The following SPTAN1 variants were observed in gnomAD, a reference collection of about 807,000 sequenced individuals.
The protein encoded by SPTAN1 is spectrin alpha, non-erythrocytic 1.
In SPTAN1, 61 loss-of-function variants were observed where a neutral mutation model predicts 331.3. The observed-to-expected ratio is 0.18, with a 90% CI of 0.15 to 0.23. The LOEUF (loss-of-function observed/expected upper bound fraction) is 0.23. SPTAN1 is among the 10% of genes least tolerant of loss of function. The pLI, the probability that SPTAN1 is intolerant of heterozygous loss-of-function variation, is 1.00. For missense variants in SPTAN1, 2,043 were observed against 3,147.9 expected (o/e 0.65, Z 8.40); for synonymous variants, 1,153 against 1,173.9 (o/e 0.98, Z 0.36).
At chr9:128,593,079 C>T in intron 23 of SPTAN1, 37 bp downstream of exon 23, 1 of 1,585,060 alleles carries the variant, frequency 6.3e-7, no homozygotes, top group Non-Finnish European at 8.6e-7. Context: ...CACCAATGTC[C>T]ACTGCTACCC....
At chr9:128,598,894 C>A in intron 25 of SPTAN1, 69 bp from the exon 26 acceptor site, 1 of 1,431,342 alleles carries the variant, frequency 7.0e-7, no homozygotes, top group East Asian at 2.3e-5. Context: ...CAGGTTTGGC[C>A]ATAATAAGTA....
rs954658353 is a variant in SPTAN1 at position 128,624,794 on chromosome 9, G to C, written c.5992+307G>C. 13 of 566,014 alleles carry C rather than the reference G, an allele frequency of 2.3e-5. No individual in the cohort carries two copies. In the African/African-American group the frequency reaches 2.4e-4, roughly 11 times the overall value. The allele number at this position is 566,014 out of a possible 1,614,324, so 35.1% of individuals were successfully genotyped here. A position where few individuals can be genotyped will look rare whatever the true frequency, so the allele number is the denominator to read the frequency against. On this transcript the variant is annotated intron_variant, in intron 46 of 56. Transcript: ENST00000372739. ...TGGCACAGCAAAGGCACCACTAGCT[G>C]CCCTGGTCAGGGGCGCCACCCAGCT...
At chr9:128,561,659 T>G (rs1266034676) in intron 1 of SPTAN1, among the ~76,000 whole-genome samples, 1 of 2,274 alleles carries the variant, frequency 4.4e-4, no homozygotes, top group Non-Finnish European at 3.2e-3. Context: ...CGAGACTCCG[T>G]CTCAAAAAAA....
chr9:128,615,822 A>T lies in SPTAN1; in HGVS notation c.5339A>T (p.Asp1780Val), dbSNP rs777299280. Reference protein sequence around the residue: ...RLHQFFRDMDDEESWIKEKKL... With the variant: ...RLHQFFRDMDVEESWIKEKKL... ...CACCAGTTCTTCCGGGACATGGATG[A>T]CGAGGAGTCCTGGATCAAGTATGTC... Residue 1780 changes from aspartate (D) to valine (V), a missense_variant, in exon 41 of 57, where the codon GAC becomes GTC. Around this residue, in one of 12 missense-constraint regions of SPTAN1, gnomAD observed 323 missense variants for 581.1 expected, o/e 0.56. Coordinates refer to ENST00000372739, the MANE Select transcript of SPTAN1 (RefSeq NM_001130438.3). 2 of 1,614,138 alleles carry T rather than the reference A, an allele frequency of 1.2e-6. No individual in the cohort carries two copies. The highest frequency in any genetic ancestry group is 2.7e-5 in the African/African-American group (2 of 74,952).
intron 1 of SPTAN1, among the ~76,000 whole-genome samples, chr9:128,562,984 ATG>A (rs1213962524): frequency 0.15 from 278 of 1,802 alleles, 1 homozygote; most frequent in Non-Finnish European, 0.2. Flanking sequence ...ATATATATAC[ATG>A]TATGTGTATA....
chr9:128,572,334 G>T (rs1850822148), intron 3 of SPTAN1, among the ~76,000 whole-genome samples: 1 of 152,072 alleles, frequency 6.6e-6, no homozygotes, highest in South Asian at 2.1e-4. Flanking sequence ...TTTATGAAGT[G>T]CACCTGCCTC....
chr9:128,567,026 T>A (rs1850113515), intron 2 of SPTAN1, 49 bp downstream of exon 2: 7 of 1,611,952 alleles, frequency 4.3e-6, no homozygotes, highest in African/African-American at 1.3e-5. Flanking sequence ...AGCCCAAATG[T>A]TCTTACCCAA....
rs752127383 is a variant in SPTAN1, at chr9:128,598,965, A to G, written c.3522A>G (p.Glu1174=). Residue 1174 remains glutamate, a splice_region_variant and synonymous_variant, in exon 26 of 57, where the codon GAA becomes GAG. Coordinates refer to ENST00000372739, the MANE Select transcript of SPTAN1 (RefSeq NM_001130438.3). ...AEEVQAVQQQ[E]VYGMMPRDET... is the part of the protein sequence containing the mutation. ...CTGGTTTCTCTCTCTCCTTGTAGGAAGTGTATGGCATGATGCCCAGGGTAA... is the reference window on the plus strand; with the variant it reads ...CTGGTTTCTCTCTCTCCTTGTAGGAGGTGTATGGCATGATGCCCAGGGTAA... 5.6e-6 allele frequency: 9 copies of G among 1,613,838 alleles called. No individual in the cohort carries two copies. The highest frequency in any genetic ancestry group is 1.1e-5 in the South Asian group (1 of 91,078).
At chr9:128,557,036 T>G (rs1848713860) in intron 1 of SPTAN1, among the ~76,000 whole-genome samples, 1 of 152,258 alleles carries the variant, frequency 6.6e-6, no homozygotes, top group Non-Finnish European at 1.5e-5. Context: ...AAGACATTGT[T>G]GGTTCTGCAC....
chr9:128,619,318 C>T (rs1027303945), intron 44 of SPTAN1, among the ~76,000 whole-genome samples: 1 of 152,178 alleles, frequency 6.6e-6, no homozygotes, highest in African/African-American at 2.4e-5. Flanking sequence ...CGGAGTGGCA[C>T]GAACGGAGTA....
At chr9:128,566,635 C>A in intron 1 of SPTAN1, 103 bp from the exon 2 acceptor site, 1 of 1,544,340 alleles carries the variant, frequency 6.5e-7, no homozygotes, top group Non-Finnish European at 8.9e-7. Flanking sequence ...CATTTGTCTC[C>A]TGGGTTTATC....
At chr9:128,561,780 G>A (rs1394752056) in intron 1 of SPTAN1, among the ~76,000 whole-genome samples, 2 of 151,332 alleles carry the variant, frequency 1.3e-5, no homozygotes, top group Non-Finnish European at 2.9e-5. Flanking sequence ...GGTCATCCTG[G>A]CCTTTGCAAC....
At position 128,623,424 on chromosome 9, in the gene SPTAN1, T is replaced by C. The variant is rs146537034; in HGVS notation, c.5833-904T>C. 6.2e-3 allele frequency among the ~76,000 whole-genome samples: 945 copies of C among 151,900 alleles called. 26 individuals carry two copies. The East Asian group carries it at 0.099, about 16-fold the overall frequency. On this transcript the variant is annotated intron_variant, in intron 45 of 56. Coordinates refer to ENST00000372739, the MANE Select transcript of SPTAN1 (RefSeq NM_001130438.3). ...TTTTTTCTATCAAAAATAATACTAATGAATATATCATCTTAACTTCAAATT... is the reference window on the plus strand; with the variant it reads ...TTTTTTCTATCAAAAATAATACTAACGAATATATCATCTTAACTTCAAATT...
Position 128,588,886 on chromosome 9 carries a change from C to G in SPTAN1, c.2949C>G (p.Pro983=). Reference sequence around the variant, plus strand: ...TCTACGACTATCAGGAGAAGAGTCCCCGAGAGGTCACCATGAAGAAGGGAG... The same window carrying G: ...TCTACGACTATCAGGAGAAGAGTCCGCGAGAGGTCACCATGAAGAAGGGAG... ...LALYDYQEKS[P]REVTMKKGDI... The change falls in exon 21 of 57, where the codon CCC becomes CCG. Residue 983 remains proline, a synonymous_variant. Coordinates refer to ENST00000372739, the MANE Select transcript of SPTAN1 (RefSeq NM_001130438.3). 6.2e-7 allele frequency: 1 copy of G among 1,614,040 alleles called. No individual in the cohort carries two copies. The highest frequency in any genetic ancestry group is 8.5e-7 in the Non-Finnish European group (1 of 1,180,008).
chr9:128,565,643 G>A (rs1849940436), intron 1 of SPTAN1, among the ~76,000 whole-genome samples: 1 of 152,238 alleles, frequency 6.6e-6, no homozygotes, highest in Non-Finnish European at 1.5e-5. Flanking sequence ...CTAGGTGGAT[G>A]TGGGGCAGCA....
Position 128,615,838 on chromosome 9 carries a change from C to T in SPTAN1, c.5355C>T (p.Ile1785=). Residue 1785 remains isoleucine (I), a splice_region_variant and synonymous_variant, in exon 41 of 57, where the codon ATC becomes ATT. Transcript: ENST00000372739. ...ACATGGATGACGAGGAGTCCTGGAT[C>T]AAGTATGTCTTCTCAGCCCTCTAGA... ...FRDMDDEESW[I]KEKKLLVGSE... 1 of 1,614,194 alleles carries T rather than the reference C, an allele frequency of 6.2e-7. No individual in the cohort carries two copies. The highest frequency in any genetic ancestry group is 8.5e-7 in the Non-Finnish European group (1 of 1,180,024).
rs913854743 is a variant in SPTAN1 at position 128,577,047 on chromosome 9, G to A, written c.786-82G>A. 9.9e-6 allele frequency: 16 copies of A among 1,613,786 alleles called. No homozygotes were observed. Among genetic ancestry groups the A allele is most frequent in the Non-Finnish European group, 1.0e-5 (12 of 1,179,914 alleles). ...CATGTGCTGGTGAGCTGTCGAGGCT[G>A]ACTAGGCCTTGGTCCCATGGGGTGT... On this transcript the variant is annotated intron_variant, in intron 6 of 56. Coordinates refer to ENST00000372739, the MANE Select transcript of SPTAN1 (RefSeq NM_001130438.3). The surrounding 1 kb of genome is among the most constrained non-coding windows in gnomAD (Gnocchi z 4.2).
chr9:128,591,505 G>T lies in SPTAN1; in HGVS notation c.3035G>T (p.Arg1012Leu). The T allele has an allele frequency of 6.2e-7, 1 of 1,614,108 alleles. No homozygotes were observed. The highest frequency in any genetic ancestry group is 8.5e-7 in the Non-Finnish European group (1 of 1,180,024). ...TGGTGGAAAGTGGAAGTGAACGATC[G>T]TCAGGGTTTTGTGCCGGCTGCGTAC... Reference protein sequence around the residue: ...KDWWKVEVNDRQGFVPAAYVK... With the variant: ...KDWWKVEVNDLQGFVPAAYVK... Residue 1012 changes from arginine (R) to leucine (L), a missense_variant, in exon 22 of 57, where the codon CGT (arginine) becomes CTT (leucine). Physicochemically the swap from Arg to Leu is moderately radical, Grantham distance 102. Coordinates refer to ENST00000372739, the MANE Select transcript of SPTAN1 (RefSeq NM_001130438.3).
intron 21 of SPTAN1, among the ~76,000 whole-genome samples, chr9:128,589,926 C>G (rs148096063): frequency 4.2e-4 from 64 of 152,316 alleles, no homozygotes; most frequent in Middle Eastern, 3.4e-3. Flanking sequence ...CCCAGCAGAT[C>G]ATTGAAGACA....
Sources: allele counts gnomAD v4.1 joint callset (sites outside exome capture counted in the v4.1 genomes callset), GRCh38; gene constraint gnomAD v4.1.1; regional missense constraint gnomAD v4.1.1; non-coding constraint Gnocchi (gnomAD v3.1); transcripts MANE v1.5; gene names NCBI Gene and HGNC (gene_info 2026-07-23, HGNC 2026-07-21).